CNTRL: variants seen among roughly 807,000 people sequenced by gnomAD.
CNTRL encodes the protein 110 kDa centrosomal protein.
Under a neutral mutation model 303.7 loss-of-function variants are expected in CNTRL, and 233 were observed. The ratio of observed to expected loss-of-function variants is 0.77; its 90% CI spans 0.69 to 0.86. The LOEUF is 0.86. Ranked by LOEUF, CNTRL falls within the 40% of genes least tolerant of loss-of-function variation. The probability of loss-of-function intolerance (pLI) is 0.00; values close to 1 mark genes in which losing one functional copy is unlikely to be tolerated. For missense variants in CNTRL, 2,524 were observed against 2,650.6 expected (o/e 0.95, Z 1.05); for synonymous variants, 900 against 922.2 (o/e 0.98, Z 0.44).
rs371649589 is a variant in CNTRL at position 121,169,734 on chromosome 9, A to G, written c.6194A>G (p.Glu2065Gly). The change falls in exon 39 of 44, where the codon GAA (glutamate) becomes GGA (glycine). Residue 2065 changes from glutamate to glycine, a missense_variant. Physicochemically the swap from Glu to Gly is moderately conservative, Grantham distance 98. Transcript: ENST00000373855. The part of the protein sequence containing the change: ...FSLLRNQFLT[E>G]RKKAEKQVAS... ...CTTCTGCGGAACCAGTTCTTGACAGAAAGAAAGAAAGCTGAGAAGCAGGTG... is the reference window on the plus strand; with the variant it reads ...CTTCTGCGGAACCAGTTCTTGACAGGAAGAAAGAAAGCTGAGAAGCAGGTG... 19 of 1,614,004 alleles carry G rather than the reference A, an allele frequency of 1.2e-5. No homozygotes were observed. Among genetic ancestry groups the G allele is most frequent in the Non-Finnish European group, 1.6e-5 (19 of 1,179,980 alleles).
At chr9:121,122,492 T>G (rs1176066949) in intron 12 of CNTRL, 1 of 676,104 alleles carries the variant, frequency 1.5e-6, no homozygotes, top group African/African-American at 1.9e-5. Flanking sequence ...CTTGAGATCA[T>G]TGGTGTTCAT....
chr9:121,127,478 G>A (rs546841188), intron 14 of CNTRL, among the ~76,000 whole-genome samples: 10 of 151,772 alleles, frequency 6.6e-5, no homozygotes, highest in Non-Finnish European at 1.3e-4. Context: ...CCTTGCCAAC[G>A]CTGTAGTGTT....
chr9:121,128,141 A>G (rs1245987958), intron 14 of CNTRL, among the ~76,000 whole-genome samples: 1 of 152,130 alleles, frequency 6.6e-6, no homozygotes, highest in Non-Finnish European at 1.5e-5. Flanking sequence ...ATGATTTATA[A>G]TCCTTTGGGT....
chr9:121,091,878 T>C (rs978927423), intron 4 of CNTRL, among the ~76,000 whole-genome samples: 12 of 132,536 alleles, frequency 9.1e-5, no homozygotes, highest in South Asian at 2.4e-4. Flanking sequence ...CTTAGTGAGG[T>C]CTTCTCTTTT....
At chr9:121,121,952 G>T (rs540000185) in intron 12 of CNTRL, 98 of 984,134 alleles carry the variant, frequency 1.0e-4, no homozygotes, top group Non-Finnish European at 1.2e-4. Flanking sequence ...TTAAGTTAAG[G>T]TATGATATTT....
At position 121,143,977 on chromosome 9, in the gene CNTRL, C is replaced by G; in HGVS notation, c.2946C>G (p.Ala982=). 1 of 1,613,782 alleles carries G rather than the reference C, an allele frequency of 6.2e-7. No individual in the cohort carries two copies. Among genetic ancestry groups the G allele is most frequent in the Non-Finnish European group, 8.5e-7 (1 of 1,179,842 alleles). ...AAGAACTGAAGAAACTAAAGAAAGC[C>G]GTGGCCACCTCTGATAAGCTAGCCA... ...LDKELKKLKK[A]VATSDKLATA... Residue 982 remains alanine (A), a synonymous_variant, in exon 20 of 44, where the codon GCC becomes GCG. Transcript: ENST00000373855.
intron 42 of CNTRL, among the ~76,000 whole-genome samples, 166 bp downstream of exon 42, chr9:121,173,903 T>C (rs1413896068): frequency 6.6e-6 from 1 of 152,176 alleles, no homozygotes. Flanking sequence ...TGTCACACAG[T>C]AAATGGCAAT....
At chr9:121,156,947 C>T (rs1564287221) in intron 27 of CNTRL, among the ~76,000 whole-genome samples, 1 of 152,122 alleles carries the variant, frequency 6.6e-6, no homozygotes, top group Non-Finnish European at 1.5e-5. Flanking sequence ...CACTTCCTTC[C>T]CACTTAGTTG....
At chr9:121,103,152 T>C (rs2132785411) in intron 7 of CNTRL, among the ~76,000 whole-genome samples, 1 of 152,276 alleles carries the variant, frequency 6.6e-6, no homozygotes, top group East Asian at 1.9e-4. Flanking sequence ...CAAACTATAC[T>C]ACAAGGCTAC....
intron 11 of CNTRL, among the ~76,000 whole-genome samples, chr9:121,116,883 G>T (rs556190221): frequency 7.2e-5 from 11 of 152,276 alleles, no homozygotes; most frequent in African/African-American, 2.6e-4. Context: ...ACTTAATGAT[G>T]GGTTGAAAGT....
At position 121,148,793 on chromosome 9, in the gene CNTRL, C is replaced by G. The variant is rs1485459800; in HGVS notation, c.3581C>G (p.Pro1194Arg). Residue 1194 changes from proline (P) to arginine (R), a missense_variant, in exon 24 of 44, where the codon CCC (proline) becomes CGC (arginine). By Grantham distance (103) the Pro-to-Arg change is moderately radical. Transcript: ENST00000373855. ...GATGGGAAGGAAGGCAGTCAACCTC[C>G]CCCTGCCTCAGGATACTGGGTTTAT... ...QQDGKEGSQP[P>R]PASGYWVYSP... is the part of the protein sequence containing the mutation. The G allele has an allele frequency of 1.2e-6, 2 of 1,613,940 alleles. No homozygotes were observed. The highest frequency in any genetic ancestry group is 1.7e-6 in the Non-Finnish European group (2 of 1,180,004).
At position 121,125,866 on chromosome 9, in the gene CNTRL, G is replaced by T; in HGVS notation, c.1955G>T (p.Arg652Ile). The change falls in exon 14 of 44, where the codon AGA (arginine) becomes ATA (isoleucine). Residue 652 changes from arginine (R) to isoleucine (I), a missense_variant. Coordinates refer to ENST00000373855, the MANE Select transcript of CNTRL (RefSeq NM_007018.6). The part of the protein sequence containing the change: ...LRDEKETLLQ[R>I]LTEVEQERDQ... Reference sequence around the variant, plus strand: ...GATGAGAAAGAGACATTGTTGCAGAGATTGACAGAAGTCGAGCAGGAGAGA... The same window carrying T: ...GATGAGAAAGAGACATTGTTGCAGATATTGACAGAAGTCGAGCAGGAGAGA... 1 of 1,614,224 alleles carries T rather than the reference G, an allele frequency of 6.2e-7. No homozygotes were observed. The highest frequency in any genetic ancestry group is 8.5e-7 in the Non-Finnish European group (1 of 1,180,040).
Position 121,111,279 on chromosome 9 carries a change from G to A in CNTRL, c.1003-1180G>A, listed in dbSNP as rs117198113. On this transcript the variant is annotated intron_variant, in intron 8 of 43. Coordinates refer to ENST00000373855, the MANE Select transcript of CNTRL (RefSeq NM_007018.6). ...CACTACCAGCTGTGAAATTGGGCAA[G>A]TTATTTAACTTCTCTGTGCAGCTTT... is the stretch of plus-strand genomic sequence containing the variant. 11 of 152,270 alleles carry A rather than the reference G, an allele frequency of 7.2e-5. No homozygotes were observed. The East Asian group carries it at 2.1e-3, about 29-fold the overall frequency. The allele number at this position is 152,270 out of a possible 1,614,324, so 9.4% of individuals were successfully genotyped here.
chr9:121,165,994 CA>C, intron 35 of CNTRL, 112 bp from the exon 36 acceptor site: 1 of 740,402 alleles, frequency 1.4e-6, no homozygotes. Flanking sequence ...CATAGTCATA[CA>C]TGTAACAGGA....
intron 32 of CNTRL, among the ~76,000 whole-genome samples, chr9:121,161,097 T>C (rs960637270): frequency 1.3e-5 from 2 of 151,862 alleles, no homozygotes; most frequent in East Asian, 3.9e-4. Flanking sequence ...AAAATGAATA[T>C]GGAGTATAGT....
At chr9:121,163,326 A>ATAT (rs1355979238) in intron 34 of CNTRL, among the ~76,000 whole-genome samples, 229 of 136,924 alleles carry the variant, frequency 1.7e-3, no homozygotes, top group African/African-American at 5.0e-3. Flanking sequence ...TTTCAAAAAA[A>ATAT]AAATATATAT....
rs2052143671 is a variant in CNTRL at position 121,150,230 on chromosome 9, C to A, written c.3710C>A (p.Pro1237Gln). Residue 1237 changes from proline (P) to glutamine (Q), a missense_variant, in exon 25 of 44, where the codon CCA (proline) becomes CAA (glutamine). Transcript: ENST00000373855. ...ESELDDQEEP[P>Q]FVPPPGYMMY... ...GAGCTGGATGACCAAGAAGAACCCC[C>A]ATTTGTGCCTCCTCCTGGATACATG... 1 of 1,614,080 alleles carries A rather than the reference C, an allele frequency of 6.2e-7. No individual in the cohort carries two copies. The highest frequency in any genetic ancestry group is 2.2e-5 in the East Asian group (1 of 44,880).
chr9:121,173,294 A>T lies in CNTRL; in HGVS notation c.6469A>T (p.Met2157Leu). The T allele has an allele frequency of 2.5e-6, 4 of 1,614,052 alleles. No individual in the cohort carries two copies. Among genetic ancestry groups the T allele is most frequent in the Non-Finnish European group, 3.4e-6 (4 of 1,179,970 alleles). ...ERRQMEISDA[M>L]RTLKSEVKDE... is the part of the protein sequence containing the mutation. ...AAGACAAATGGAAATCAGTGATGCAATGAGGACACTTAAATCTGAGGTGAA... is the reference window on the plus strand; with the variant it reads ...AAGACAAATGGAAATCAGTGATGCATTGAGGACACTTAAATCTGAGGTGAA... The change falls in exon 41 of 44, where the codon ATG becomes TTG. Residue 2157 changes from methionine (M) to leucine (L), a missense_variant. Transcript: ENST00000373855.
At chr9:121,177,054 G>T in intron 43 of CNTRL, 109 bp from the exon 44 acceptor site, 1 of 814,574 alleles carries the variant, frequency 1.2e-6, no homozygotes, top group Non-Finnish European at 2.0e-6. Flanking sequence ...TTTTTCCAAA[G>T]AGGTACTCAA....
Sources: gnomAD v4.1 joint callset for allele counts (sites outside exome capture counted in the v4.1 genomes callset) on GRCh38, gnomAD v4.1.1 for gene constraint, MANE v1.5 for transcripts, NCBI Gene and HGNC (gene_info 2026-07-23, HGNC 2026-07-21) for gene names.